RAI14: variants seen among roughly 807,000 people sequenced by gnomAD.
RAI14 encodes retinoic acid induced 14.
RAI14 carries 45 observed loss-of-function variants against 115.4 expected under a neutral mutation model. The observed-to-expected ratio is 0.39, with a 90% CI of 0.31 to 0.50. RAI14 has a LOEUF of 0.50. RAI14 is among the 20% of genes least tolerant of loss of function. RAI14 has a pLI of 0.85. For missense variants in RAI14, 939 were observed against 1,131.2 expected, an observed-to-expected ratio of 0.83 and a Z score of 2.44; for synonymous variants, 371 against 415.4, an observed-to-expected ratio of 0.89 and a Z score of 1.30.
intron 1 of RAI14, among the ~76,000 whole-genome samples, chr5:34,681,555 C>G (rs1286016854): frequency 6.6e-6 from 1 of 152,146 alleles, no homozygotes. Context: ...AGTGCAGTAG[C>G]ATGATCATGG....
intron 2 of RAI14, among the ~76,000 whole-genome samples, chr5:34,698,273 C>G (rs1315720185): frequency 1.4e-5 from 2 of 148,100 alleles, no homozygotes; most frequent in African/African-American, 5.0e-5. Flanking sequence ...GCCAGCACTT[C>G]CCTTTAAAGC....
intron 1 of RAI14, among the ~76,000 whole-genome samples, chr5:34,668,093 C>T (rs976828515): frequency 8.5e-5 from 13 of 152,118 alleles, no homozygotes; most frequent in African/African-American, 3.1e-4. Flanking sequence ...CATTTTCTTT[C>T]TTCTCTAGGA....
At chr5:34,727,435 A>G (rs973827062) in intron 2 of RAI14, among the ~76,000 whole-genome samples, 1 of 152,232 alleles carries the variant, frequency 6.6e-6, no homozygotes, top group South Asian at 2.1e-4. Context: ...TTGCATAAGT[A>G]ACAAGAAGCC....
At chr5:34,722,158 C>T (rs1042458088) in intron 2 of RAI14, among the ~76,000 whole-genome samples, 1 of 150,976 alleles carries the variant, frequency 6.6e-6, no homozygotes, top group Non-Finnish European at 1.5e-5. Flanking sequence ...CCCCGCCCAC[C>T]CCCAAAGTGA....
chr5:34,692,190 G>A (rs530435975), intron 2 of RAI14, among the ~76,000 whole-genome samples: 3 of 152,068 alleles, frequency 2.0e-5, no homozygotes, highest in South Asian at 2.1e-4. Context: ...TTGAACCCAG[G>A]GGGTGGAGGT....
rs1229053698 is a variant in RAI14 at position 34,813,623 on chromosome 5, A to C, written c.815A>C (p.Lys272Thr). The change falls in exon 11 of 18, where the codon AAA becomes ACA. Residue 272 changes from lysine to threonine, a missense_variant. Lys to Thr is a moderately conservative substitution (Grantham distance 78). Coordinates refer to ENST00000265109, the MANE Select transcript of RAI14 (RefSeq NM_015577.3). Reference protein sequence around the residue: ...ISSERSGTPKKRKAPPPPISP... With the variant: ...ISSERSGTPKTRKAPPPPISP... ...TCAGAAAGAAGTGGAACTCCAAAAA[A>C]ACGCAAAGCTCCACCACCTCCTATC... 6.2e-7 allele frequency: 1 copy of C among 1,613,774 alleles called. No homozygotes were observed. The highest frequency in any genetic ancestry group is 1.7e-5 in the Admixed American group (1 of 60,012).
At chr5:34,788,290 T>C (rs1752554266) in intron 3 of RAI14, among the ~76,000 whole-genome samples, 1 of 152,060 alleles carries the variant, frequency 6.6e-6, no homozygotes, top group East Asian at 1.9e-4. Flanking sequence ...GTAGAGATGG[T>C]CAGCAGCATC....
chr5:34,814,223 C>G (rs904333988), intron 11 of RAI14, among the ~76,000 whole-genome samples: 1 of 152,084 alleles, frequency 6.6e-6, no homozygotes, highest in Non-Finnish European at 1.5e-5. Flanking sequence ...TTTAAAAATT[C>G]ATAGGCCATA....
chr5:34,692,906 G>C (rs1311595219), intron 2 of RAI14, among the ~76,000 whole-genome samples: 4 of 152,138 alleles, frequency 2.6e-5, no homozygotes, highest in Non-Finnish European at 5.9e-5. Context: ...CCAGGTACTG[G>C]CACGGTTGGT....
chr5:34,792,350 C>T (rs1022937580), intron 3 of RAI14, among the ~76,000 whole-genome samples: 2 of 151,146 alleles, frequency 1.3e-5, no homozygotes, highest in African/African-American at 4.9e-5. Flanking sequence ...TCTCCTCTCT[C>T]AGCCTCCCGA....
chr5:34,724,977 A>G (rs1743263982), intron 2 of RAI14, among the ~76,000 whole-genome samples: 1 of 152,082 alleles, frequency 6.6e-6, no homozygotes, highest in Admixed American at 6.5e-5. Flanking sequence ...GTGCACTCCC[A>G]TGAAAAAGCC....
At position 34,745,807 on chromosome 5, in the gene RAI14, C is replaced by A. The variant is rs1028386419; in HGVS notation, c.37-11661C>A. 2.0e-5 allele frequency among the ~76,000 whole-genome samples: 3 copies of A among 152,312 alleles called. No homozygotes were observed. In the East Asian group the frequency reaches 5.8e-4, roughly 29 times the overall value. On this transcript the variant is annotated intron_variant, in intron 2 of 17. Coordinates refer to ENST00000265109, the MANE Select transcript of RAI14 (RefSeq NM_015577.3). The stretch of plus-strand genomic sequence containing the variant: ...AGCAGGTTTCCTTACTCACTTCCCC[C>A]CGGGAGCTATTGGAGCATTACCATG...
At chr5:34,768,716 C>T (rs755273776) in intron 3 of RAI14, among the ~76,000 whole-genome samples, 3 of 152,044 alleles carry the variant, frequency 2.0e-5, no homozygotes, top group African/African-American at 4.8e-5. Context: ...GCCCCGGGTG[C>T]GGTGATTCAC....
intron 8 of RAI14, among the ~76,000 whole-genome samples, chr5:34,811,386 A>G (rs997989998): frequency 7.2e-5 from 11 of 152,160 alleles, no homozygotes; most frequent in African/African-American, 2.4e-4. Context: ...GTGACTTTCT[A>G]TGCAAAATAA....
intron 5 of RAI14, among the ~76,000 whole-genome samples, chr5:34,806,524 A>G (rs1176802717): frequency 6.6e-6 from 1 of 152,106 alleles, no homozygotes; most frequent in Non-Finnish European, 1.5e-5. Flanking sequence ...GGGAACAAGA[A>G]AGGGAAGAGG....
chr5:34,734,664 T>A (rs1356390876), intron 2 of RAI14, among the ~76,000 whole-genome samples: 1 of 151,784 alleles, frequency 6.6e-6, no homozygotes, highest in Non-Finnish European at 1.5e-5. Context: ...TCTCATTTAT[T>A]CTTTCTTTTT....
At chr5:34,756,851 G>A (rs1050750847) in intron 2 of RAI14, among the ~76,000 whole-genome samples, 22 of 152,210 alleles carry the variant, frequency 1.4e-4, no homozygotes, top group African/African-American at 4.6e-4. Flanking sequence ...CAGTGATTGA[G>A]GCTTTGCTCA....
Position 34,665,142 on chromosome 5 carries a change from C to CGTGT in RAI14, c.-49+8667_-49+8668insGTGT, listed in dbSNP as rs1561220944. Among the ~76,000 whole-genome samples, 74 of 23,670 alleles carry CGTGT rather than the reference C, an allele frequency of 3.1e-3. 14 individuals carry two copies. The highest frequency in any genetic ancestry group is 0.036 in the Middle Eastern group (1 of 28). 15.5% of individuals were successfully genotyped at this position (23,670 alleles called of 152,430 possible). A position where few individuals can be genotyped will look rare whatever the true frequency, so the allele number is the denominator to read the frequency against. ...GTATATATGTATGTGTATATATATACACATATATATGTGTGTGTATATATA... is the reference window on the plus strand; with the variant it reads ...GTATATATGTATGTGTATATATATACGTGTACATATATATGTGTGTGTATATATA... On this transcript the variant is annotated intron_variant, in intron 1 of 17. Transcript: ENST00000265109.
At chr5:34,829,822 CT>C in intron 17 of RAI14, 25 bp downstream of exon 17, 4 of 1,557,354 alleles carry the variant, frequency 2.6e-6, no homozygotes, top group Non-Finnish European at 3.5e-6. Flanking sequence ...CTTGAAGTAT[CT>C]GGACATCCTA....
Sources: allele counts gnomAD v4.1 joint callset (sites outside exome capture counted in the v4.1 genomes callset), GRCh38; gene constraint gnomAD v4.1.1; transcripts MANE v1.5; gene names NCBI Gene and HGNC (gene_info 2026-07-23, HGNC 2026-07-21).